Variants in WASF3 observed in about 807,000 individuals in gnomAD.
WASF3 encodes actin-binding protein WASF3.
WASF3 carries 11 observed loss-of-function variants against 46.6 expected under a neutral mutation model. The ratio of observed to expected loss-of-function variants is 0.24; its 90% confidence interval spans 0.15 to 0.39. The LOEUF is 0.39. Among genes scored for constraint, WASF3 ranks in the 10% least tolerant of loss-of-function variants. WASF3 has a pLI of 1.00. For missense variants in WASF3, 576 were observed against 669.8 expected (o/e 0.86, Z 1.55); for synonymous variants, 242 against 259.7 (o/e 0.93, Z 0.65).
intron 3 of WASF3, among the ~76,000 whole-genome samples, chr13:26,655,664 ATTAG>A (rs750084503): frequency 2.0e-5 from 3 of 152,158 alleles, no homozygotes; most frequent in Admixed American, 1.3e-4. Context: ...TTTCTTCAAC[ATTAG>A]TTAGTAAGCA....
intron 2 of WASF3, 53 bp from the exon 3 acceptor site, chr13:26,642,208 G>T: frequency 6.9e-7 from 1 of 1,449,870 alleles, no homozygotes; most frequent in Non-Finnish European, 9.1e-7. Context: ...TAAAATTCCA[G>T]ATTTGTTAAA....
chr13:26,687,499 G>A lies in WASF3; in HGVS notation c.*1654G>A, dbSNP rs1176679006. The A allele has an allele frequency of 6.6e-6, 1 of 152,166 alleles. No individual in the cohort carries two copies. The highest frequency in any genetic ancestry group is 1.5e-5 in the Non-Finnish European group (1 of 68,078). 9.4% of individuals were successfully genotyped at this position (152,166 alleles called of 1,614,324 possible). Reference sequence around the variant, plus strand: ...TGATTGTACAGAGCCTGTCCATTGGGTGCAGTCATGTAGATCTGAAGCCCT... The same window carrying A: ...TGATTGTACAGAGCCTGTCCATTGGATGCAGTCATGTAGATCTGAAGCCCT... On this transcript the variant is annotated 3_prime_UTR_variant, in exon 10 of 10. Transcript: ENST00000335327.
chr13:26,561,718 A>G (rs1228938549), intron 1 of WASF3, among the ~76,000 whole-genome samples: 2 of 152,334 alleles, frequency 1.3e-5, no homozygotes, highest in African/African-American at 4.8e-5. Context: ...TGTGGAAACT[A>G]CTAGCTCAAG....
intron 2 of WASF3, among the ~76,000 whole-genome samples, chr13:26,614,226 G>A (rs1346612879): frequency 2.0e-5 from 3 of 151,926 alleles, no homozygotes; most frequent in African/African-American, 7.3e-5. Flanking sequence ...CTTGACCTTG[G>A]GCATATCATT....
At chr13:26,579,657 T>C (rs9512270) in intron 1 of WASF3, among the ~76,000 whole-genome samples, 23,974 of 152,198 alleles carry the variant, frequency 0.16, 2,378 homozygotes, top group South Asian at 0.25. Context: ...CATGATTCTC[T>C]CTGTAACAGC....
chr13:26,555,819 C>T (rs1473694732), upstream of WASF3, among the ~76,000 whole-genome samples: 1 of 152,198 alleles, frequency 6.6e-6, no homozygotes, highest in Non-Finnish European at 1.5e-5. Flanking sequence ...CACTTTTAGT[C>T]AAGATTCTGT....
chr13:26,620,588 A>G (rs4769506), intron 2 of WASF3: 129,320 of 152,084 alleles, frequency 0.85, 55,046 homozygotes, highest in East Asian at 0.9. Context: ...TAGAAGAGAA[A>G]GGCAGGGAGA....
the WASF3 span, among the ~76,000 whole-genome samples, chr13:26,543,710 T>C: frequency 6.6e-6 from 1 of 152,158 alleles, no homozygotes; most frequent in Non-Finnish European, 1.5e-5. Flanking sequence ...ATAAGTTCTA[T>C]GGAACCTGCC....
At chr13:26,616,828 C>T (rs908565589) in intron 2 of WASF3, among the ~76,000 whole-genome samples, 2 of 152,108 alleles carry the variant, frequency 1.3e-5, no homozygotes, top group African/African-American at 4.8e-5. Flanking sequence ...TCTGCCATTC[C>T]AATTGTCATC....
At chr13:26,551,275 G>A in the WASF3 span, among the ~76,000 whole-genome samples, 7 of 152,264 alleles carry the variant, frequency 4.6e-5, no homozygotes, top group African/African-American at 1.7e-4. Context: ...GAATTACTGA[G>A]TCTCAGGTAG....
At chr13:26,675,389 T>C (rs978590748) in intron 6 of WASF3, among the ~76,000 whole-genome samples, 3 of 151,584 alleles carry the variant, frequency 2.0e-5, no homozygotes, top group Middle Eastern at 3.4e-3. Flanking sequence ...ACCTGACCCA[T>C]ACTCCTCTGC....
rs1880155554 is a variant in WASF3 at position 26,587,190 on chromosome 13, GGTTT to G, written c.-108-25762_-108-25759del. Among the ~76,000 whole-genome samples, 3 of 143,594 alleles carry G rather than the reference GGTTT, an allele frequency of 2.1e-5. No individual in the cohort carries two copies. In the South Asian group the frequency reaches 6.6e-4, roughly 32 times the overall value. The allele number at this position is 143,594 out of a possible 152,430, so 94.2% of individuals were successfully genotyped here. A position where few individuals can be genotyped will look rare whatever the true frequency, so the allele number is the denominator to read the frequency against. On this transcript the variant is annotated intron_variant, in intron 1 of 9. Coordinates refer to ENST00000335327, the MANE Select transcript of WASF3 (RefSeq NM_006646.6). ...ATTTTTTTTGCTTTTTTTTTTTGGT[GGTTT>G]GTTTGTTTTTTAGTATTGCAGAGGG...
intron 3 of WASF3, among the ~76,000 whole-genome samples, chr13:26,656,015 G>A (rs1411627862): frequency 6.6e-6 from 1 of 152,132 alleles, no homozygotes; most frequent in East Asian, 1.9e-4. Context: ...CCAAAATCTT[G>A]TCAAACCAAG....
chr13:26,540,746 AC>A, the WASF3 span, among the ~76,000 whole-genome samples: 1 of 151,880 alleles, frequency 6.6e-6, no homozygotes, highest in Non-Finnish European at 1.5e-5. Context: ...CTTGGTTCAG[AC>A]CCCAAACAAC....
intron 1 of WASF3, among the ~76,000 whole-genome samples, chr13:26,610,059 G>C (rs1474315218): frequency 6.6e-6 from 1 of 152,176 alleles, no homozygotes; most frequent in Non-Finnish European, 1.5e-5. Flanking sequence ...CACTGTCACT[G>C]TGTAGAACAT....
intron 9 of WASF3, among the ~76,000 whole-genome samples, chr13:26,685,118 A>G (rs1267719944): frequency 2.6e-5 from 4 of 152,104 alleles, no homozygotes; most frequent in African/African-American, 7.2e-5. Context: ...ATAAACATTA[A>G]ATCATCAAAT....
At chr13:26,577,573 G>A (rs1879839851) in intron 1 of WASF3, 2 of 1,162,762 alleles carry the variant, frequency 1.7e-6, no homozygotes, top group South Asian at 1.2e-5. Flanking sequence ...AACTCATGGA[G>A]CTTCATGGTG....
intron 1 of WASF3, chr13:26,576,930 G>A: frequency 1.3e-6 from 1 of 773,672 alleles, no homozygotes; most frequent in Non-Finnish European, 2.2e-6. Flanking sequence ...GAGGCAAAAA[G>A]GGAGCCAAGA....
At chr13:26,584,819 A>G (rs947232817) in intron 1 of WASF3, among the ~76,000 whole-genome samples, 1 of 152,248 alleles carries the variant, frequency 6.6e-6, no homozygotes, top group African/African-American at 2.4e-5. Flanking sequence ...TTGCAAAGTC[A>G]GTATTGCCCT....
Sources: allele counts gnomAD v4.1 joint callset (sites outside exome capture counted in the v4.1 genomes callset), GRCh38; gene constraint gnomAD v4.1.1; transcripts MANE v1.5; gene names NCBI Gene and HGNC (gene_info 2026-07-23, HGNC 2026-07-21).